The following BOLL variants were observed in gnomAD, a reference collection of about 807,000 sequenced individuals.
The protein encoded by BOLL is boule RNA binding protein, also known as protein boule-like.
Under a neutral mutation model 44.4 loss-of-function variants are expected in BOLL, and 23 were observed. That is an observed-to-expected ratio of 0.52 (90% CI 0.37 to 0.73). BOLL has a LOEUF of 0.73. Ranked by LOEUF, BOLL falls within the 30% of genes least tolerant of loss-of-function variation. BOLL has a pLI of 0.00. For synonymous variants in BOLL, 97 were observed against 110.8 expected (o/e 0.88, Z 0.78); for missense variants, 287 against 338.3 (o/e 0.85, Z 1.19).
intron 10 of BOLL, among the ~76,000 whole-genome samples, chr2:197,733,413 TC>T (rs1451732462): frequency 5.3e-5 from 8 of 150,440 alleles, no homozygotes; most frequent in Admixed American, 5.3e-4. Flanking sequence ...TTCAATGCCA[TC>T]CCCATCAAGC....
At position 197,784,892 on chromosome 2, in the gene BOLL, C is replaced by T. The variant is rs74463665; in HGVS notation, c.-16+164G>A. 1,729 of 987,288 alleles carry T rather than the reference C, an allele frequency of 1.8e-3. 26 individuals carry two copies. In the African/African-American group the frequency reaches 0.025, roughly 14 times the overall value. The allele number at this position is 987,288 out of a possible 1,614,324, so 61.2% of individuals were successfully genotyped here. A position where few individuals can be genotyped will look rare whatever the true frequency, so the allele number is the denominator to read the frequency against. On this transcript the variant is annotated intron_variant, in intron 1 of 10. Coordinates refer to ENST00000392296, the MANE Select transcript of BOLL (RefSeq NM_033030.6). ...GGAAACACCTAGATGGGGACTGTTG[C>T]CGGGTTTGAAGGCTCCTCCGTTTGC...
chr2:197,753,814 C>A (rs897184078), intron 9 of BOLL, among the ~76,000 whole-genome samples: 4 of 152,144 alleles, frequency 2.6e-5, no homozygotes, highest in African/African-American at 9.7e-5. Flanking sequence ...ATAAATCTTT[C>A]TTCTATAAAG....
At chr2:197,766,290 C>T (rs1034814917) in intron 7 of BOLL, among the ~76,000 whole-genome samples, 2 of 152,112 alleles carry the variant, frequency 1.3e-5, no homozygotes, top group Non-Finnish European at 2.9e-5. Context: ...TACACTCCAA[C>T]CAACAGTGTA....
chr2:197,728,645 A>C, intron 10 of BOLL, 67 bp from the exon 11 acceptor site: 1 of 1,061,618 alleles, frequency 9.4e-7, no homozygotes, highest in Non-Finnish European at 1.4e-6. Context: ...GTTAGAACAG[A>C]TGAGTACAGA....
chr2:197,733,735 G>T (rs1687328636), intron 10 of BOLL, among the ~76,000 whole-genome samples: 1 of 152,098 alleles, frequency 6.6e-6, no homozygotes, highest in African/African-American at 2.4e-5. Flanking sequence ...TTAATAAATG[G>T]TGCTGGGAAA....
At chr2:197,755,650 A>C (rs1559404297) in intron 9 of BOLL, among the ~76,000 whole-genome samples, 1 of 152,206 alleles carries the variant, frequency 6.6e-6, no homozygotes, top group Non-Finnish European at 1.5e-5. Flanking sequence ...GGGACAGAAA[A>C]CCAAACACTG....
intron 7 of BOLL, among the ~76,000 whole-genome samples, chr2:197,764,428 G>C (rs779531466): frequency 1.3e-5 from 2 of 152,116 alleles, no homozygotes; most frequent in South Asian, 2.1e-4. Context: ...AATGAAATAA[G>C]CCAGGAACAG....
chr2:197,728,345 C>T lies in BOLL; in HGVS notation c.*210G>A. The T allele has an allele frequency of 1.5e-6, 1 of 685,904 alleles. No individual in the cohort carries two copies. The allele number at this position is 685,904 out of a possible 1,614,324, so 42.5% of individuals were successfully genotyped here. A position where few individuals can be genotyped will look rare whatever the true frequency, so the allele number is the denominator to read the frequency against. The stretch of plus-strand genomic sequence containing the variant: ...CACATAAAAAACCAACATGCCACAT[C>T]TACCTAAATAATTTTGTAGAACAGC... On this transcript the variant is annotated 3_prime_UTR_variant, in exon 11 of 11. Transcript: ENST00000392296.
intron 10 of BOLL, among the ~76,000 whole-genome samples, chr2:197,741,204 G>A (rs905650085): frequency 1.3e-5 from 2 of 152,072 alleles, no homozygotes; most frequent in African/African-American, 4.8e-5. Context: ...CACATCCCTC[G>A]TAAGTTGGAT....
At chr2:197,778,941 G>T in intron 3 of BOLL, 34 bp downstream of exon 3, 2 of 1,546,012 alleles carry the variant, frequency 1.3e-6, no homozygotes, top group Non-Finnish European at 8.8e-7. Context: ...AAATAGAGTT[G>T]CTAATTCCAT....
At chr2:197,768,188 G>A (rs552726542) in intron 6 of BOLL, among the ~76,000 whole-genome samples, 26 of 152,052 alleles carry the variant, frequency 1.7e-4, no homozygotes, top group Non-Finnish European at 3.2e-4. Context: ...AATGTGTCAC[G>A]CTTTTTTATG....
At position 197,728,465 on chromosome 2, in the gene BOLL, T is replaced by C. The variant is rs751243285; in HGVS notation, c.*90A>G. 5 of 1,600,026 alleles carry C rather than the reference T, an allele frequency of 3.1e-6. No homozygotes were observed. The highest frequency in any genetic ancestry group is 1.7e-5 in the Admixed American group (1 of 59,886). ...AACACTAAGTTTCACAACGGGCAGC[T>C]TCTAGCTGGTTCGTTGAAGCTGGAT... On this transcript the variant is annotated 3_prime_UTR_variant, in exon 11 of 11. Coordinates refer to ENST00000392296, the MANE Select transcript of BOLL (RefSeq NM_033030.6).
intron 9 of BOLL, among the ~76,000 whole-genome samples, chr2:197,754,202 G>A (rs780176396): frequency 6.6e-6 from 1 of 152,060 alleles, no homozygotes; most frequent in Non-Finnish European, 1.5e-5. Context: ...GGGCTGATGG[G>A]TGCAGTAAAC....
At chr2:197,757,285 T>C in intron 8 of BOLL, 68 bp downstream of exon 8, 1 of 1,372,098 alleles carries the variant, frequency 7.3e-7, no homozygotes, top group South Asian at 1.3e-5. Flanking sequence ...ACTTTAGTAT[T>C]CATGCAGTCA....
intron 7 of BOLL, 99 bp from the exon 8 acceptor site, chr2:197,757,499 C>T (rs1445441658): frequency 1.7e-5 from 17 of 989,558 alleles, no homozygotes; most frequent in Non-Finnish European, 2.6e-5. Flanking sequence ...ACCCTCACAC[C>T]ATATACAAAA....
intron 2 of BOLL, 121 bp downstream of exon 2, chr2:197,781,601 A>G: frequency 2.0e-6 from 2 of 1,015,762 alleles, no homozygotes; most frequent in South Asian, 5.6e-5. Context: ...ATAATAAGAT[A>G]ATTCAAAATC....
chr2:197,749,643 A>G (rs1396430414), intron 9 of BOLL, among the ~76,000 whole-genome samples: 2 of 151,920 alleles, frequency 1.3e-5, no homozygotes, highest in Non-Finnish European at 2.9e-5. Flanking sequence ...TCAGAGATGG[A>G]AGATTGACTT....
chr2:197,783,560 T>A (rs191948120), intron 1 of BOLL, among the ~76,000 whole-genome samples: 1 of 152,220 alleles, frequency 6.6e-6, no homozygotes, highest in Non-Finnish European at 1.5e-5. Flanking sequence ...AAGTATGTAC[T>A]CCTAATAAGG....
rs1012703625 is a variant in BOLL at position 197,727,222 on chromosome 2, A to G, written c.*1333T>C. 2 of 152,348 alleles carry G rather than the reference A, an allele frequency of 1.3e-5. No individual in the cohort carries two copies. The highest frequency in any genetic ancestry group is 1.3e-4 in the Admixed American group (2 of 15,272). 9.4% of individuals were successfully genotyped at this position (152,348 alleles called of 1,614,324 possible). A position where few individuals can be genotyped will look rare whatever the true frequency, so the allele number is the denominator to read the frequency against. On this transcript the variant is annotated 3_prime_UTR_variant, in exon 11 of 11. Transcript: ENST00000392296. The stretch of plus-strand genomic sequence containing the variant: ...TTACAGTTTCAAAAGAAAACACCCT[A>G]TTTGACTCACCAGAAAAACCTTTGT...
Sources: allele counts gnomAD v4.1 joint callset (sites outside exome capture counted in the v4.1 genomes callset), GRCh38; gene constraint gnomAD v4.1.1; transcripts MANE v1.5; gene names NCBI Gene and HGNC (gene_info 2026-07-23, HGNC 2026-07-21).